SLC14A2: variants seen among roughly 807,000 people sequenced by gnomAD.
The protein encoded by SLC14A2 is urea transporter 2.
SLC14A2 carries 91 observed loss-of-function variants against 104.6 expected under a neutral mutation model. That is an observed-to-expected ratio of 0.87 (90% CI 0.73 to 1.04). The LOEUF (loss-of-function observed/expected upper bound fraction) is 1.04. SLC14A2 is among the 50% of genes least tolerant of loss of function. SLC14A2 has a pLI of 0.00. For missense variants in SLC14A2, 1,189 were observed against 1,156.0 expected, an observed-to-expected ratio of 1.03 and a Z score of -0.41; for synonymous variants, 476 against 466.4, an observed-to-expected ratio of 1.02 and a Z score of -0.27.
At chr18:45,427,057 G>A (rs144498101) in intron 1 of SLC14A2, among the ~76,000 whole-genome samples, 5 of 152,098 alleles carry the variant, frequency 3.3e-5, no homozygotes, top group Admixed American at 2.0e-4. Flanking sequence ...ATTTGACCCA[G>A]TTAACAGTGA....
intron 1 of SLC14A2, among the ~76,000 whole-genome samples, chr18:45,235,674 GT>G: frequency 6.6e-6 from 1 of 151,620 alleles, no homozygotes; most frequent in Admixed American, 6.6e-5. Flanking sequence ...AACGTGTGAT[GT>G]TTGTGTTTCT....
chr18:45,264,341 A>G (rs2084570302), intron 1 of SLC14A2, among the ~76,000 whole-genome samples: 1 of 152,208 alleles, frequency 6.6e-6, no homozygotes, highest in African/African-American at 2.4e-5. Flanking sequence ...ATTTTCTACA[A>G]TATATTGCTC....
At chr18:45,645,442 A>T (rs2045602871) in intron 10 of SLC14A2, among the ~76,000 whole-genome samples, 1 of 151,990 alleles carries the variant, frequency 6.6e-6, no homozygotes, top group Non-Finnish European at 1.5e-5. Context: ...ATGTGTAAAA[A>T]GCTTGGGAAA....
intron 18 of SLC14A2, among the ~76,000 whole-genome samples, chr18:45,678,009 G>T (rs2046254845): frequency 6.6e-6 from 1 of 152,032 alleles, no homozygotes; most frequent in South Asian, 2.1e-4. Context: ...TGTAGAGATG[G>T]TATCTTGCTT....
chr18:45,230,429 A>G (rs985078122), intron 1 of SLC14A2, among the ~76,000 whole-genome samples: 1 of 152,064 alleles, frequency 6.6e-6, no homozygotes, highest in African/African-American at 2.4e-5. Flanking sequence ...CCTATCTTTC[A>G]TTTTCAAGGA....
chr18:45,246,454 A>G (rs1370485156), intron 1 of SLC14A2, among the ~76,000 whole-genome samples: 1 of 152,206 alleles, frequency 6.6e-6, no homozygotes, highest in Non-Finnish European at 1.5e-5. Flanking sequence ...CATATTTTAT[A>G]TAGTGTATTG....
At chr18:45,562,556 G>A (rs1362129247) in intron 2 of SLC14A2, among the ~76,000 whole-genome samples, 3 of 152,220 alleles carry the variant, frequency 2.0e-5, no homozygotes, top group Non-Finnish European at 4.4e-5. Flanking sequence ...TGGCTGGAGT[G>A]TCTGGCTGGA....
intron 2 of SLC14A2, among the ~76,000 whole-genome samples, chr18:45,580,644 C>A (rs1206775739): frequency 1.3e-5 from 2 of 152,140 alleles, no homozygotes; most frequent in African/African-American, 4.8e-5. Context: ...ATGTATTAAA[C>A]TTTTTTTAAT....
At chr18:45,420,342 A>G (rs1282657608) in intron 1 of SLC14A2, among the ~76,000 whole-genome samples, 1 of 152,228 alleles carries the variant, frequency 6.6e-6, no homozygotes, top group Non-Finnish European at 1.5e-5. Context: ...CTTCTAGTGT[A>G]TTCTATTGAT....
intron 1 of SLC14A2, among the ~76,000 whole-genome samples, chr18:45,400,226 G>C (rs62090728): frequency 6.6e-6 from 1 of 152,148 alleles, no homozygotes; most frequent in East Asian, 1.9e-4. Context: ...ATGGATTATA[G>C]TTAGTTGTCA....
At chr18:45,215,711 A>C (rs1490977763) in intron 1 of SLC14A2, among the ~76,000 whole-genome samples, 1 of 152,244 alleles carries the variant, frequency 6.6e-6, no homozygotes, top group African/African-American at 2.4e-5. Flanking sequence ...TATTTGCCGC[A>C]GCTTATTGAC....
chr18:45,670,417 G>A (rs1218373785), intron 16 of SLC14A2, among the ~76,000 whole-genome samples: 9 of 152,102 alleles, frequency 5.9e-5, no homozygotes, highest in Non-Finnish European at 2.9e-5. Flanking sequence ...TTTCTCCAAG[G>A]CCCTCCTACT....
chr18:45,567,435 A>G (rs1299498932), intron 2 of SLC14A2, among the ~76,000 whole-genome samples: 2 of 152,164 alleles, frequency 1.3e-5, no homozygotes, highest in African/African-American at 4.8e-5. Flanking sequence ...GACAGCCCAG[A>G]TCTGTCTGCT....
chr18:45,588,502 TGAG>T (rs2044599955), intron 2 of SLC14A2, among the ~76,000 whole-genome samples: 1 of 152,158 alleles, frequency 6.6e-6, no homozygotes, highest in Non-Finnish European at 1.5e-5. Flanking sequence ...AAGGATGGGA[TGAG>T]GAGAAATGAC....
chr18:45,571,838 A>C (rs575145047), intron 2 of SLC14A2, among the ~76,000 whole-genome samples: 1 of 152,232 alleles, frequency 6.6e-6, no homozygotes, highest in Non-Finnish European at 1.5e-5. Flanking sequence ...ACATTTTCTC[A>C]TTGAGTAAAA....
At chr18:45,611,812 G>T (rs139182768), upstream of SLC14A2, among the ~76,000 whole-genome samples, 362 of 152,274 alleles carry the variant, frequency 2.4e-3, no homozygotes, top group Non-Finnish European at 3.6e-3. Flanking sequence ...AAAACAAGAA[G>T]AAGAGCACCA....
At chr18:45,475,652 T>TATTTAGGATATATATATATATATTTAGG (rs1555693773) in intron 1 of SLC14A2, among the ~76,000 whole-genome samples, 9 of 41,044 alleles carry the variant, frequency 2.2e-4, no homozygotes, top group African/African-American at 1.5e-3. Flanking sequence ...GATATATATA[T>TATTTAGGATATATATATATATATTTAGG]ATATATATAT....
chr18:45,648,430 C>T (rs995208985), intron 10 of SLC14A2, among the ~76,000 whole-genome samples: 15 of 152,096 alleles, frequency 9.9e-5, no homozygotes, highest in Non-Finnish European at 1.6e-4. Flanking sequence ...TGGTCTCGAT[C>T]TCCTGACCTC....
At chr18:45,446,038 CCA>C (rs2086763935) in intron 1 of SLC14A2, among the ~76,000 whole-genome samples, 1 of 152,126 alleles carries the variant, frequency 6.6e-6, no homozygotes, top group Admixed American at 6.6e-5. Flanking sequence ...ATAATTTTCT[CCA>C]AAATCTTAGT....
Sources: allele counts gnomAD v4.1 joint callset (sites outside exome capture counted in the v4.1 genomes callset), GRCh38; gene constraint gnomAD v4.1.1; transcripts MANE v1.5; gene names NCBI Gene and HGNC (gene_info 2026-07-23, HGNC 2026-07-21).